Variants in CHMP1A observed in about 807,000 individuals in gnomAD.
CHMP1A encodes VPS46 homolog A.
A neutral mutation model predicts 27.0 loss-of-function variants in CHMP1A; 17 were observed. The observed-to-expected ratio is 0.63, with a 90% CI of 0.43 to 0.95. CHMP1A has a LOEUF of 0.95. CHMP1A is among the 40% of genes least tolerant of loss of function. CHMP1A has a pLI of 0.00. For synonymous variants in CHMP1A, 131 were observed against 107.5 expected (o/e 1.22, Z -1.35); for missense variants, 275 against 264.0 (o/e 1.04, Z -0.29).
chr16:89,648,563 C>T (rs2059798994), intron 4 of CHMP1A, among the ~76,000 whole-genome samples: 1 of 152,202 alleles, frequency 6.6e-6, no homozygotes, highest in African/African-American at 2.4e-5. Flanking sequence ...GCCATGCAGG[C>T]TCTGCCTCTT....
chr16:89,653,829 G>A lies in CHMP1A; in HGVS notation c.27+75C>T, dbSNP rs1056171009. On this transcript the variant is annotated intron_variant, in intron 2 of 6. Transcript: ENST00000397901. ...TATAATCTGCCCGACTGTTTCTGTG[G>A]CTCTGAGTGAGCGTGGCTTATACTA... 5.5e-6 allele frequency: 8 copies of A among 1,448,686 alleles called. No individual in the cohort carries two copies. The African/African-American group carries it at 8.4e-5, about 15-fold the overall frequency. The allele number at this position is 1,448,686 out of a possible 1,614,324, so 89.7% of individuals were successfully genotyped here. A position where few individuals can be genotyped will look rare whatever the true frequency, so the allele number is the denominator to read the frequency against.
At chr16:89,649,644 C>T in intron 3 of CHMP1A, 147 bp from the exon 4 acceptor site, 1 of 905,552 alleles carries the variant, frequency 1.1e-6, no homozygotes, top group Non-Finnish European at 1.7e-6. Context: ...GGCACGATCT[C>T]GACTCAACGC....
chr16:89,654,292 A>C (rs921196586), intron 1 of CHMP1A, among the ~76,000 whole-genome samples: 1 of 152,210 alleles, frequency 6.6e-6, no homozygotes, highest in Non-Finnish European at 1.5e-5. Context: ...AATTAATGCA[A>C]CTTTGCAAAT....
chr16:89,653,128 C>T (rs1332235489), intron 2 of CHMP1A, among the ~76,000 whole-genome samples: 4 of 149,672 alleles, frequency 2.7e-5, no homozygotes, highest in East Asian at 4.1e-4. Context: ...CGCCATTCTC[C>T]GGCCTCAGCC....
At chr16:89,649,580 G>C in intron 3 of CHMP1A, 83 bp from the exon 4 acceptor site, 1 of 1,522,656 alleles carries the variant, frequency 6.6e-7, no homozygotes, top group African/African-American at 1.4e-5. Flanking sequence ...GTTTTGTTTT[G>C]TTTTGTTTTG....
Position 89,651,559 on chromosome 16 carries a change from A to C in CHMP1A, c.105+10T>G, listed in dbSNP as rs763644107. 9 of 1,613,070 alleles carry C rather than the reference A, an allele frequency of 5.6e-6. No individual in the cohort carries two copies. The highest frequency in any genetic ancestry group is 1.7e-5 in the Admixed American group (1 of 59,982). ...GGAGAGTCATGACCCCACAGCCCCC[A>C]GGGTCTCACCTTCTTCACTTTGGCC... On this transcript the variant is annotated intron_variant, in intron 3 of 6. Coordinates refer to ENST00000397901, the MANE Select transcript of CHMP1A (RefSeq NM_002768.5).
chr16:89,646,914 T>G, intron 5 of CHMP1A, 200 bp from the exon 6 acceptor site: 2 of 592,830 alleles, frequency 3.4e-6, no homozygotes, highest in Non-Finnish European at 5.9e-6. Context: ...CCTCTGACTG[T>G]GCCATGCCTG....
Position 89,657,638 on chromosome 16 carries a change from C to G in CHMP1A, c.-50G>C. ...CGGAGAGGGAGAAGGGACGCCAACT[C>G]CGGGCGGTGTCAGGTCCCGGCGGCG... On this transcript the variant is annotated 5_prime_UTR_variant, in exon 1 of 7. Coordinates refer to ENST00000397901, the MANE Select transcript of CHMP1A (RefSeq NM_002768.5). The G allele has an allele frequency of 6.2e-7, 1 of 1,608,142 alleles. No individual in the cohort carries two copies.
chr16:89,646,110 G>T, intron 6 of CHMP1A, 23 bp from the exon 7 acceptor site: 1 of 1,530,944 alleles, frequency 6.5e-7, no homozygotes, highest in South Asian at 1.3e-5. Context: ...AACAGGACTC[G>T]GGTCAGGGCA....
At chr16:89,653,387 G>A (rs1255321588) in intron 2 of CHMP1A, among the ~76,000 whole-genome samples, 5 of 149,556 alleles carry the variant, frequency 3.3e-5, no homozygotes, top group Non-Finnish European at 7.4e-5. Context: ...TTAGGAGGCC[G>A]AGGTAGGCGG....
intron 1 of CHMP1A, among the ~76,000 whole-genome samples, chr16:89,655,848 A>T (rs148341329): frequency 0.058 from 8,832 of 152,020 alleles, 348 homozygotes; most frequent in Middle Eastern, 0.14. Flanking sequence ...CTGGTCTCAA[A>T]CTCCTGACCT....
At chr16:89,648,984 C>T (rs1209213544) in intron 4 of CHMP1A, among the ~76,000 whole-genome samples, 1 of 151,892 alleles carries the variant, frequency 6.6e-6, no homozygotes, top group East Asian at 1.9e-4. Context: ...GTGACTGCAC[C>T]ACTGCACTCC....
At position 89,649,359 on chromosome 16, in the gene CHMP1A, T is replaced by A; in HGVS notation, c.244A>T (p.Met82Leu). The A allele has an allele frequency of 6.2e-7, 1 of 1,611,962 alleles. No homozygotes were observed. The highest frequency in any genetic ancestry group is 8.5e-7 in the Non-Finnish European group (1 of 1,178,478). The change falls in exon 4 of 7, where the codon ATG becomes TTG. Residue 82 changes from methionine (M) to leucine (L), a missense_variant. Met to Leu is a conservative substitution (Grantham distance 15). Transcript: ENST00000397901. ...VASKVQTAVT[M>L]KGVTKNMAQV... Reference sequence around the variant, plus strand: ...CAGGGCCCAGCACTCACCCCCTTCATAGTCACAGCTGTCTGCACCTTGGAG... The same window carrying A: ...CAGGGCCCAGCACTCACCCCCTTCAAAGTCACAGCTGTCTGCACCTTGGAG...
chr16:89,654,666 G>T (rs566725721), intron 1 of CHMP1A, among the ~76,000 whole-genome samples: 14 of 151,794 alleles, frequency 9.2e-5, no homozygotes, highest in African/African-American at 2.4e-4. Flanking sequence ...TTTTTTGCCG[G>T]GTGCGGTGGC....
chr16:89,656,087 A>G (rs538281170), intron 1 of CHMP1A, among the ~76,000 whole-genome samples: 10 of 152,090 alleles, frequency 6.6e-5, no homozygotes, highest in Admixed American at 1.3e-4. Flanking sequence ...ATCTCTACAC[A>G]TTTCCTTCAT....
chr16:89,648,464 G>A lies in CHMP1A; in HGVS notation c.252+887C>T, dbSNP rs115152305. On this transcript the variant is annotated intron_variant, in intron 4 of 6. Coordinates refer to ENST00000397901, the MANE Select transcript of CHMP1A (RefSeq NM_002768.5). ...GACGTGGGGTCTCCAGGACTGCTGT[G>A]CCCTCCTGGCCCACCTGCACTGTGT... 6.7e-3 allele frequency among the ~76,000 whole-genome samples: 965 copies of A among 143,102 alleles called. 279 individuals carry two copies. Among genetic ancestry groups the A allele is most frequent in the African/African-American group, 0.027 (905 of 33,190 alleles). 93.9% of individuals were successfully genotyped at this position (143,102 alleles called of 152,430 possible). A position where few individuals can be genotyped will look rare whatever the true frequency, so the allele number is the denominator to read the frequency against.
intron 3 of CHMP1A, among the ~76,000 whole-genome samples, chr16:89,649,982 T>C (rs1018254576): frequency 6.6e-6 from 1 of 151,168 alleles, no homozygotes; most frequent in Non-Finnish European, 1.5e-5. Flanking sequence ...GGCTTCTGCT[T>C]CCCCCCGCAC....
chr16:89,654,727 G>C (rs113974432), intron 1 of CHMP1A, among the ~76,000 whole-genome samples: 11,156 of 152,196 alleles, frequency 0.073, 542 homozygotes, highest in Admixed American at 0.12. Context: ...CGGAACATGA[G>C]GTCAGGAGAT....
intron 2 of CHMP1A, among the ~76,000 whole-genome samples, chr16:89,653,237 T>C (rs2059838900): frequency 6.7e-6 from 1 of 149,558 alleles, no homozygotes; most frequent in Admixed American, 6.6e-5. Context: ...CTCCATCTCC[T>C]GACCTTGTGA....
Sources: gnomAD v4.1 joint callset for allele counts (sites outside exome capture counted in the v4.1 genomes callset) on GRCh38, gnomAD v4.1.1 for gene constraint, MANE v1.5 for transcripts, NCBI Gene and HGNC (gene_info 2026-07-23, HGNC 2026-07-21) for gene names.